The following ACAP2 variants were observed in gnomAD, a reference collection of about 807,000 sequenced individuals.
ACAP2 encodes the protein arf-GAP with coiled-coil, ANK repeat and PH domain-containing protein 2.
ACAP2 carries 39 observed loss-of-function variants against 115.8 expected under a neutral mutation model. The observed-to-expected ratio is 0.34, with a 90% confidence interval of 0.26 to 0.44. The LOEUF (loss-of-function observed/expected upper bound fraction) is 0.44, where lower values mean the gene tolerates loss of function less well. Among genes scored for constraint, ACAP2 ranks in the 20% least tolerant of loss-of-function variants. The probability of loss-of-function intolerance (pLI) is 1.00; values close to 1 mark genes in which losing one functional copy is unlikely to be tolerated. For missense variants in ACAP2, 662 were observed against 927.6 expected, an observed-to-expected ratio of 0.71 and a Z score of 3.72; for synonymous variants, 289 against 315.8, an observed-to-expected ratio of 0.92 and a Z score of 0.90.
At chr3:195,372,469 T>C (rs1399255569) in intron 4 of ACAP2, among the ~76,000 whole-genome samples, 1 of 152,082 alleles carries the variant, frequency 6.6e-6, no homozygotes, top group Admixed American at 6.6e-5. Context: ...CCGGAGACGA[T>C]CACTTTAGCA....
At chr3:195,403,518 A>C (rs1326021634) in intron 1 of ACAP2, among the ~76,000 whole-genome samples, 1 of 152,238 alleles carries the variant, frequency 6.6e-6, no homozygotes, top group African/African-American at 2.4e-5. Flanking sequence ...AAGATGGCTC[A>C]AGGTAAGCAC....
At chr3:195,293,705 G>A (rs1200783582) in intron 18 of ACAP2, among the ~76,000 whole-genome samples, 1 of 152,050 alleles carries the variant, frequency 6.6e-6, no homozygotes, top group Non-Finnish European at 1.5e-5. Context: ...AGCTGGGCAT[G>A]GTGGCACACA....
At chr3:195,381,125 A>ATTTT in intron 3 of ACAP2, 63 bp from the exon 4 acceptor site, 1 of 1,230,412 alleles carries the variant, frequency 8.1e-7, no homozygotes, top group Non-Finnish European at 1.2e-6. Context: ...GGTCACAAAA[A>ATTTT]TGTGACCTCA....
At chr3:195,430,640 G>A (rs141463173) in intron 1 of ACAP2, among the ~76,000 whole-genome samples, 2,012 of 152,104 alleles carry the variant, frequency 0.013, 32 homozygotes, top group African/African-American at 0.043. Context: ...ACTTGAACCC[G>A]GGAGGCAGAG....
chr3:195,337,513 A>G (rs566425472), intron 6 of ACAP2, among the ~76,000 whole-genome samples: 150 of 151,384 alleles, frequency 9.9e-4, no homozygotes, highest in African/African-American at 3.5e-3. Flanking sequence ...CAATGGCACA[A>G]TCTCAGCTCA....
At chr3:195,385,246 CAAA>C (rs112932639) in intron 2 of ACAP2, among the ~76,000 whole-genome samples, 7 of 118,718 alleles carry the variant, frequency 5.9e-5, no homozygotes, top group Admixed American at 8.0e-5. Flanking sequence ...TCTCTGTATT[CAAA>C]AAAAAAAAAA....
chr3:195,378,428 G>A (rs1733713436), intron 4 of ACAP2, among the ~76,000 whole-genome samples: 1 of 151,814 alleles, frequency 6.6e-6, no homozygotes, highest in African/African-American at 2.4e-5. Flanking sequence ...GGAGGCAGAG[G>A]TTGCAGTGAG....
chr3:195,321,203 T>G (rs1729427771), intron 9 of ACAP2, among the ~76,000 whole-genome samples: 1 of 151,052 alleles, frequency 6.6e-6, no homozygotes, highest in Non-Finnish European at 1.5e-5. Flanking sequence ...AAAATTCTTT[T>G]GTTTTATCAC....
At chr3:195,413,847 C>T (rs762010623) in intron 1 of ACAP2, among the ~76,000 whole-genome samples, 8 of 151,824 alleles carry the variant, frequency 5.3e-5, no homozygotes, top group Non-Finnish European at 8.8e-5. Flanking sequence ...TGATGGTGCA[C>T]GCCTGTAGTC....
At chr3:195,442,578 G>A (rs1220902286) in intron 1 of ACAP2, among the ~76,000 whole-genome samples, 1 of 152,154 alleles carries the variant, frequency 6.6e-6, no homozygotes, top group Non-Finnish European at 1.5e-5. Flanking sequence ...GGAAAGAAAT[G>A]AGAGGCGACG....
intron 22 of ACAP2, among the ~76,000 whole-genome samples, chr3:195,280,362 C>G (rs1245703262): frequency 6.6e-6 from 1 of 152,118 alleles, no homozygotes; most frequent in African/African-American, 2.4e-5. Flanking sequence ...ATCCCAGCTA[C>G]TCGGGAGGCT....
chr3:195,370,097 G>A (rs938149896), intron 4 of ACAP2, among the ~76,000 whole-genome samples: 2 of 151,988 alleles, frequency 1.3e-5, no homozygotes, highest in African/African-American at 4.8e-5. Flanking sequence ...CTTTTTAACT[G>A]GGTTGTTTTT....
chr3:195,408,003 A>AT (rs1223559169), intron 1 of ACAP2, among the ~76,000 whole-genome samples: 1 of 152,202 alleles, frequency 6.6e-6, no homozygotes, highest in African/African-American at 2.4e-5. Flanking sequence ...AAATAAGATT[A>AT]TAAGAGAGTA....
chr3:195,294,432 GC>G (rs1727482433), intron 18 of ACAP2, among the ~76,000 whole-genome samples: 1 of 150,992 alleles, frequency 6.6e-6, no homozygotes, highest in Non-Finnish European at 1.5e-5. Context: ...ACAAAAATTA[GC>G]TGGGCGTGGT....
chr3:195,378,184 A>T (rs1429560682), intron 4 of ACAP2, among the ~76,000 whole-genome samples: 1 of 152,132 alleles, frequency 6.6e-6, no homozygotes, highest in Non-Finnish European at 1.5e-5. Context: ...TAAGATTAAG[A>T]GCACTAGTAT....
At chr3:195,372,778 T>C (rs932273899) in intron 4 of ACAP2, among the ~76,000 whole-genome samples, 3 of 152,010 alleles carry the variant, frequency 2.0e-5, no homozygotes, top group Non-Finnish European at 4.4e-5. Context: ...CATACCACTG[T>C]ACTCCAGCCT....
At chr3:195,319,510 C>T (rs1729310319) in intron 10 of ACAP2, among the ~76,000 whole-genome samples, 1 of 152,224 alleles carries the variant, frequency 6.6e-6, no homozygotes, top group South Asian at 2.1e-4. Flanking sequence ...CATGGGAACC[C>T]ACCCGCTGCA....
intron 4 of ACAP2, among the ~76,000 whole-genome samples, chr3:195,380,246 A>C (rs1373242261): frequency 1.3e-5 from 2 of 152,212 alleles, no homozygotes; most frequent in Non-Finnish European, 2.9e-5. Flanking sequence ...TTGTCATATT[A>C]CTGCATCCTA....
chr3:195,282,447 T>G (rs1488196699), intron 22 of ACAP2: 1 of 152,264 alleles, frequency 6.6e-6, no homozygotes, highest in East Asian at 1.9e-4. Flanking sequence ...ACTGTTAATG[T>G]ACTACCTTTC....
Sources: gnomAD v4.1 joint callset for allele counts (sites outside exome capture counted in the v4.1 genomes callset) on GRCh38, gnomAD v4.1.1 for gene constraint, MANE v1.5 for transcripts, NCBI Gene and HGNC (gene_info 2026-07-23, HGNC 2026-07-21) for gene names.